NOL4: variants seen among roughly 807,000 people sequenced by gnomAD.
NOL4 encodes cancer/testis antigen 125.
In NOL4, 17 loss-of-function variants were observed where a neutral mutation model predicts 75.9. The observed-to-expected ratio is 0.22, with a 90% CI of 0.15 to 0.34. The LOEUF is 0.34. Among genes scored for constraint, NOL4 ranks in the 10% least tolerant of loss-of-function variants. The pLI is 1.00. For missense variants in NOL4, 614 were observed against 793.5 expected (o/e 0.77, Z 2.72); for synonymous variants, 292 against 289.9 (o/e 1.01, Z -0.07).
chr18:34,019,664 C>A (rs915302342), intron 5 of NOL4, 63 bp from the exon 6 acceptor site: 31 of 1,455,410 alleles, frequency 2.1e-5, no homozygotes, highest in Middle Eastern at 1.8e-4. Flanking sequence ...TCTACTTCAA[C>A]TAGCATTTAT....
intron 9 of NOL4, among the ~76,000 whole-genome samples, chr18:33,905,702 C>G (rs1247284439): frequency 6.6e-6 from 1 of 152,148 alleles, no homozygotes; most frequent in African/African-American, 2.4e-5. Flanking sequence ...TAGAGTACAA[C>G]TATATGCTGT....
intron 6 of NOL4, among the ~76,000 whole-genome samples, chr18:34,015,247 T>C (rs927438356): frequency 6.6e-6 from 1 of 151,978 alleles, no homozygotes; most frequent in African/African-American, 2.4e-5. Flanking sequence ...AGACACAGTC[T>C]CCTTCGCAAT....
At chr18:34,094,077 G>A (rs1032312088) in intron 4 of NOL4, among the ~76,000 whole-genome samples, 5 of 151,840 alleles carry the variant, frequency 3.3e-5, no homozygotes, top group Admixed American at 3.3e-4. Flanking sequence ...AAAAACAATG[G>A]AATAATTTCT....
At chr18:33,862,195 G>A (rs1264439642) in intron 10 of NOL4, among the ~76,000 whole-genome samples, 1 of 152,046 alleles carries the variant, frequency 6.6e-6, no homozygotes. Context: ...AATAAATGGT[G>A]CTGGGAAAAC....
chr18:33,988,535 A>G (rs8087475), intron 6 of NOL4, among the ~76,000 whole-genome samples: 33,835 of 151,968 alleles, frequency 0.22, 4,023 homozygotes, highest in East Asian at 0.38. Flanking sequence ...CCTCATGGGC[A>G]TGAGATTCTT....
intron 10 of NOL4, among the ~76,000 whole-genome samples, chr18:33,871,811 C>T (rs1206214424): frequency 6.6e-6 from 1 of 152,022 alleles, no homozygotes; most frequent in African/African-American, 2.4e-5. Context: ...AAACCAATTA[C>T]AAGTGCTGGA....
intron 1 of NOL4, among the ~76,000 whole-genome samples, chr18:34,132,683 A>C (rs943690322): frequency 6.6e-6 from 1 of 152,034 alleles, no homozygotes; most frequent in African/African-American, 2.4e-5. Context: ...CAGAAACTGG[A>C]AGAAATATAT....
At chr18:33,880,076 G>A (rs2064169019) in intron 10 of NOL4, among the ~76,000 whole-genome samples, 1 of 152,002 alleles carries the variant, frequency 6.6e-6, no homozygotes, top group East Asian at 1.9e-4. Context: ...CTCTTATCAG[G>A]AGTGACTGAG....
At chr18:33,996,875 G>A (rs969456232) in intron 6 of NOL4, among the ~76,000 whole-genome samples, 6 of 150,430 alleles carry the variant, frequency 4.0e-5, no homozygotes, top group African/African-American at 1.5e-4. Flanking sequence ...TAACATACAG[G>A]TACATATGTC....
At chr18:34,141,463 A>G (rs1350519327) in intron 1 of NOL4, among the ~76,000 whole-genome samples, 1 of 152,236 alleles carries the variant, frequency 6.6e-6, no homozygotes. Context: ...CCAAAACAGC[A>G]TGGTACTGGT....
intron 1 of NOL4, among the ~76,000 whole-genome samples, chr18:34,177,750 T>C (rs895022132): frequency 6.6e-6 from 1 of 151,800 alleles, no homozygotes; most frequent in Non-Finnish European, 1.5e-5. Context: ...CAACTAGAAT[T>C]CTATATCCAG....
At chr18:34,107,216 T>A (rs1391262392) in intron 2 of NOL4, among the ~76,000 whole-genome samples, 2 of 152,130 alleles carry the variant, frequency 1.3e-5, no homozygotes, top group African/African-American at 4.8e-5. Flanking sequence ...TAGCCCCAAA[T>A]CAATTTTTCT....
intron 6 of NOL4, among the ~76,000 whole-genome samples, chr18:33,961,030 A>G (rs977795811): frequency 6.6e-6 from 1 of 152,154 alleles, no homozygotes; most frequent in African/African-American, 2.4e-5. Flanking sequence ...AAGCATCTTA[A>G]AATTTACATG....
intron 9 of NOL4, among the ~76,000 whole-genome samples, chr18:33,884,042 T>C (rs555481394): frequency 1.2e-3 from 181 of 152,196 alleles, no homozygotes; most frequent in Non-Finnish European, 2.0e-3. Context: ...TGCACAACCA[T>C]GTGGATGTGG....
intron 2 of NOL4, among the ~76,000 whole-genome samples, chr18:34,110,227 A>G (rs2079526218): frequency 6.6e-6 from 1 of 151,526 alleles, no homozygotes; most frequent in Non-Finnish European, 1.5e-5. Context: ...AAGCCAGACA[A>G]GGACGCTACA....
At chr18:33,967,128 T>G (rs936659140) in intron 6 of NOL4, among the ~76,000 whole-genome samples, 1 of 151,946 alleles carries the variant, frequency 6.6e-6, no homozygotes, top group Admixed American at 6.6e-5. Context: ...CAGAAACAGA[T>G]ACATGGACCA....
intron 5 of NOL4, among the ~76,000 whole-genome samples, chr18:34,037,461 T>C (rs560912068): frequency 2.6e-5 from 4 of 152,108 alleles, no homozygotes; most frequent in African/African-American, 9.6e-5. Context: ...GCCAAAGTAA[T>C]CCTGAGTAAA....
At chr18:34,162,124 G>A (rs907825823) in intron 1 of NOL4, among the ~76,000 whole-genome samples, 4 of 151,986 alleles carry the variant, frequency 2.6e-5, no homozygotes, top group Non-Finnish European at 4.4e-5. Context: ...CTGTGAGACA[G>A]GTCTGTGTAT....
At chr18:33,917,094 CA>C (rs1410022085) in intron 9 of NOL4, among the ~76,000 whole-genome samples, 1 of 152,132 alleles carries the variant, frequency 6.6e-6, no homozygotes, top group Non-Finnish European at 1.5e-5. Flanking sequence ...TTACAACTAT[CA>C]GCAAGGTAAT....
Sources: allele counts gnomAD v4.1 joint callset (sites outside exome capture counted in the v4.1 genomes callset), GRCh38; gene constraint gnomAD v4.1.1; transcripts MANE v1.5; gene names NCBI Gene and HGNC (gene_info 2026-07-23, HGNC 2026-07-21).